Variants in TMEM272 observed in about 807,000 individuals in gnomAD.
TMEM272 encodes transmembrane protein 272, also known as long intergenic non-protein coding RNA 282.
In TMEM272, 8 loss-of-function variants were observed where a neutral mutation model predicts 3.7. That is an observed-to-expected ratio of 2.17 (90% CI 1.27 to 3.91). The LOEUF is 3.91. Among genes scored for constraint, TMEM272 ranks in the 30% most tolerant of loss-of-function variants. The probability of loss-of-function intolerance (pLI) is 0.00; values close to 1 mark genes in which losing one functional copy is unlikely to be tolerated. For synonymous variants in TMEM272, 63 were observed against 39.8 expected (o/e 1.58, Z -2.20); for missense variants, 166 against 91.5 (o/e 1.81, Z -3.32).
At chr13:51,820,090 ATACTT>A (rs1378063826) in intron 4 of TMEM272, among the ~76,000 whole-genome samples, 2 of 152,280 alleles carry the variant, frequency 1.3e-5, no homozygotes, top group African/African-American at 2.4e-5. Flanking sequence ...GTATCACACA[ATACTT>A]AACTTACTAG....
the TMEM272 span, among the ~76,000 whole-genome samples, chr13:51,899,086 A>G: frequency 6.6e-6 from 1 of 152,232 alleles, no homozygotes; most frequent in East Asian, 1.9e-4. Context: ...AACTATCTCT[A>G]TTCACAGATG....
At chr13:51,909,246 T>C in the TMEM272 span, 1 of 1,162,838 alleles carries the variant, frequency 8.6e-7, no homozygotes, top group Non-Finnish European at 1.3e-6. Flanking sequence ...CAAACAATTA[T>C]CATGTGCTTT....
chr13:51,865,525 G>A, the TMEM272 span: 1 of 1,614,234 alleles, frequency 6.2e-7, no homozygotes, highest in South Asian at 1.1e-5. Flanking sequence ...AGGAGGAAAA[G>A]GCTTTTCGCG....
rs1480674976 is a variant in TMEM272 at position 51,817,077 on chromosome 13, G to A, written c.238C>T (p.Arg80Trp). Reference sequence around the variant, plus strand: ...ATCACCACGGCCTTGGACAGCAGCCGCCTCATCCTGGTGGAGTCGTACAAC... The same window carrying A: ...ATCACCACGGCCTTGGACAGCAGCCACCTCATCCTGGTGGAGTCGTACAAC... ...LLLYDSTRMR[R>W]LLSKAVVIDD... is the part of the protein sequence containing the mutation. Residue 80 changes from arginine to tryptophan, a missense_variant, in exon 5 of 5, where the codon CGG becomes TGG. Coordinates refer to ENST00000629372, the MANE Select transcript of TMEM272 (RefSeq NM_001351003.2). 9 of 702,862 alleles carry A rather than the reference G, an allele frequency of 1.3e-5. No individual in the cohort carries two copies. Among genetic ancestry groups the A allele is most frequent in the African/African-American group, 3.5e-5 (2 of 57,336 alleles). The allele number at this position is 702,862 out of a possible 1,614,324, so 43.5% of individuals were successfully genotyped here. A position where few individuals can be genotyped will look rare whatever the true frequency, so the allele number is the denominator to read the frequency against.
At chr13:51,866,026 C>A in the TMEM272 span, 1 of 1,608,658 alleles carries the variant, frequency 6.2e-7, no homozygotes. Flanking sequence ...AAGATGGGCC[C>A]CACAACGCCA....
At chr13:51,834,130 G>A (rs548909050) in intron 2 of TMEM272, among the ~76,000 whole-genome samples, 2 of 152,212 alleles carry the variant, frequency 1.3e-5, no homozygotes, top group Non-Finnish European at 2.9e-5. Context: ...TGCAGTTTGT[G>A]CAGAGAAGAG....
intron 2 of TMEM272, among the ~76,000 whole-genome samples, chr13:51,829,564 A>T (rs1956155044): frequency 6.6e-6 from 1 of 152,180 alleles, no homozygotes; most frequent in East Asian, 1.9e-4. Flanking sequence ...CTGGCAAAGG[A>T]TAGAAATTCA....
the TMEM272 span, among the ~76,000 whole-genome samples, chr13:51,905,720 A>T: frequency 6.6e-6 from 1 of 152,232 alleles, no homozygotes; most frequent in African/African-American, 2.4e-5. Context: ...CGACACTTAA[A>T]AAACTACACC....
chr13:51,894,163 T>C, the TMEM272 span, among the ~76,000 whole-genome samples: 9 of 152,168 alleles, frequency 5.9e-5, no homozygotes, highest in African/African-American at 2.2e-4. Context: ...ATTCAAATCA[T>C]CAAGGAGGGA....
chr13:51,861,841 A>T, the TMEM272 span: 1 of 152,400 alleles, frequency 6.6e-6, no homozygotes, highest in Non-Finnish European at 1.5e-5. Context: ...AGAATCTGGA[A>T]AGCAGCAAGA....
chr13:51,835,351 A>G (rs1956207528), intron 2 of TMEM272, among the ~76,000 whole-genome samples: 1 of 151,422 alleles, frequency 6.6e-6, no homozygotes, highest in Non-Finnish European at 1.5e-5. Context: ...CAGCCTCCCG[A>G]GTAGCTGGGA....
At chr13:51,870,102 T>A in the TMEM272 span, among the ~76,000 whole-genome samples, 1 of 152,186 alleles carries the variant, frequency 6.6e-6, no homozygotes, top group African/African-American at 2.4e-5. Flanking sequence ...CCTTTCCCTG[T>A]GAAAGTCGTT....
At chr13:51,922,046 T>C in the TMEM272 span, among the ~76,000 whole-genome samples, 1 of 152,208 alleles carries the variant, frequency 6.6e-6, no homozygotes, top group African/African-American at 2.4e-5. Flanking sequence ...TTTGTTTTCT[T>C]GTTCCTCCCT....
At chr13:51,933,129 A>G in the TMEM272 span, 1 of 152,214 alleles carries the variant, frequency 6.6e-6, no homozygotes, top group Non-Finnish European at 1.5e-5. Context: ...GAAACAATGA[A>G]TAGATCACCT....
intron 2 of TMEM272, among the ~76,000 whole-genome samples, chr13:51,836,540 C>T (rs1407557861): frequency 6.6e-6 from 1 of 152,174 alleles, no homozygotes; most frequent in East Asian, 1.9e-4. Context: ...TGGACAAAGG[C>T]TGTGCATTCT....
At position 51,817,096 on chromosome 13, in the gene TMEM272, G is replaced by T. The variant is rs777972855; in HGVS notation, c.219C>A (p.Tyr73Ter). The change falls in exon 5 of 5, where the codon TAC becomes TAA. Residue 73 changes from tyrosine (Y) to a stop codon, truncating the protein, a stop_gained. Transcript: ENST00000629372. LOFTEE classifies it low-confidence loss of function (END_TRUNC). ...VGTLKVSLLL[Y>*]DSTRMRRLLS... ...GCAGCCGCCTCATCCTGGTGGAGTC[G>T]TACAACAGGAGAGACACCTGGGGCG... The T allele has an allele frequency of 1.9e-5, 13 of 702,372 alleles. No individual in the cohort carries two copies. Among genetic ancestry groups the T allele is most frequent in the African/African-American group, 7.0e-5 (4 of 57,152 alleles). 43.5% of individuals were successfully genotyped at this position (702,372 alleles called of 1,614,324 possible). A position where few individuals can be genotyped will look rare whatever the true frequency, so the allele number is the denominator to read the frequency against.
chr13:51,836,784 A>G lies in TMEM272; in HGVS notation c.58+1689T>C, dbSNP rs796160321. ...TGGGAGGAAGTAGAAGTCTAGGCAA[A>G]GAAACACATGTTGGAAGGCCCAGGG... On this transcript the variant is annotated intron_variant, in intron 2 of 4. Coordinates refer to ENST00000629372, the MANE Select transcript of TMEM272 (RefSeq NM_001351003.2). Among the ~76,000 whole-genome samples, 10 of 152,206 alleles carry G rather than the reference A, an allele frequency of 6.6e-5. No individual in the cohort carries two copies. In the East Asian group the frequency reaches 1.9e-3, roughly 29 times the overall value.
the TMEM272 span, among the ~76,000 whole-genome samples, chr13:51,922,534 C>T: frequency 2.6e-5 from 4 of 152,228 alleles, no homozygotes; most frequent in African/African-American, 9.6e-5. Context: ...TGCCAGGCGA[C>T]AGCAGTGACT....
chr13:51,913,783 C>A, the TMEM272 span, among the ~76,000 whole-genome samples: 1 of 151,902 alleles, frequency 6.6e-6, no homozygotes, highest in Non-Finnish European at 1.5e-5. Context: ...ACATCTGATG[C>A]CTCTGGGAAA....
Sources: allele counts gnomAD v4.1 joint callset (sites outside exome capture counted in the v4.1 genomes callset), GRCh38; gene constraint gnomAD v4.1.1; transcripts MANE v1.5; gene names NCBI Gene and HGNC (gene_info 2026-07-23, HGNC 2026-07-21).